The following CDH13 variants were observed in gnomAD, a reference collection of about 807,000 sequenced individuals.
CDH13 encodes the protein cadherin 13.
CDH13 carries 24 observed loss-of-function variants against 63.8 expected under a neutral mutation model. The ratio of observed to expected loss-of-function variants is 0.38; its 90% CI spans 0.27 to 0.53. The LOEUF is 0.53. Ranked by LOEUF, CDH13 falls within the 20% of genes least tolerant of loss-of-function variation. The pLI, the probability that CDH13 is intolerant of heterozygous loss-of-function variation, is 0.85. For synonymous variants in CDH13, 503 were observed against 355.3 expected, an observed-to-expected ratio of 1.42 and a Z score of -4.67; for missense variants, 1,049 against 903.1, an observed-to-expected ratio of 1.16 and a Z score of -2.07.
intron 2 of CDH13, among the ~76,000 whole-genome samples, chr16:82,985,392 T>C (rs187816086): frequency 2.0e-5 from 3 of 152,218 alleles, no homozygotes. Context: ...GTAGTTACTT[T>C]TGGAGGAAAA....
intron 2 of CDH13, among the ~76,000 whole-genome samples, chr16:82,960,858 T>C (rs1444467734): frequency 6.6e-6 from 1 of 152,234 alleles, no homozygotes; most frequent in Non-Finnish European, 1.5e-5. Context: ...TCTATTGTGA[T>C]TTTTAATTCT....
At chr16:83,005,420 C>G (rs2054299192) in intron 2 of CDH13, among the ~76,000 whole-genome samples, 2 of 152,182 alleles carry the variant, frequency 1.3e-5, no homozygotes, top group African/African-American at 2.4e-5. Flanking sequence ...CCAAGGTAGG[C>G]TTAGCTGCAG....
intron 5 of CDH13, among the ~76,000 whole-genome samples, chr16:83,306,519 C>G (rs979028701): frequency 6.6e-6 from 1 of 152,218 alleles, no homozygotes; most frequent in African/African-American, 2.4e-5. Context: ...TCCCCTTTGA[C>G]TTTCTCTACC....
intron 2 of CDH13, among the ~76,000 whole-genome samples, chr16:83,014,592 G>C (rs540838255): frequency 1.3e-5 from 2 of 150,672 alleles, no homozygotes; most frequent in South Asian, 4.2e-4. Flanking sequence ...AATTAGCCGA[G>C]TGGTGGCCCA....
intron 7 of CDH13, among the ~76,000 whole-genome samples, chr16:83,573,441 C>T (rs1255688685): frequency 6.6e-6 from 1 of 152,156 alleles, no homozygotes; most frequent in African/African-American, 2.4e-5. Context: ...GGTAAGGAAA[C>T]TACTAGAGGA....
At chr16:83,098,873 G>A (rs532571929) in intron 3 of CDH13, among the ~76,000 whole-genome samples, 18 of 152,248 alleles carry the variant, frequency 1.2e-4, no homozygotes, top group South Asian at 2.1e-4. Flanking sequence ...CAGATAAGAC[G>A]TCAATGCTGG....
At chr16:83,193,905 A>T (rs1486809840) in intron 4 of CDH13, among the ~76,000 whole-genome samples, 1 of 152,224 alleles carries the variant, frequency 6.6e-6, no homozygotes, top group Non-Finnish European at 1.5e-5. Context: ...AGAAGTCCCT[A>T]GTAAGTTGCC....
intron 6 of CDH13, among the ~76,000 whole-genome samples, chr16:83,367,496 T>C (rs2091281021): frequency 6.6e-6 from 1 of 152,250 alleles, no homozygotes; most frequent in Non-Finnish European, 1.5e-5. Context: ...TTCATCTTTT[T>C]CTTAAGTATA....
intron 11 of CDH13, among the ~76,000 whole-genome samples, chr16:83,776,637 G>GT (rs1273367814): frequency 1.3e-5 from 2 of 152,160 alleles, no homozygotes; most frequent in African/African-American, 4.8e-5. Context: ...CTTTAAGCTG[G>GT]TTTTTTCCCC....
intron 3 of CDH13, among the ~76,000 whole-genome samples, chr16:83,116,767 G>A (rs1182175287): frequency 1.3e-5 from 2 of 152,200 alleles, no homozygotes; most frequent in East Asian, 1.9e-4. Context: ...GAATTTCATG[G>A]TACGTAAATT....
intron 4 of CDH13, among the ~76,000 whole-genome samples, chr16:83,199,952 A>G (rs1229087394): frequency 2.6e-5 from 4 of 152,200 alleles, no homozygotes; most frequent in Admixed American, 1.3e-4. Context: ...AATGGTGGCT[A>G]TTGCTCGGGA....
chr16:83,623,415 C>G (rs1398519426), intron 8 of CDH13, among the ~76,000 whole-genome samples: 1 of 152,198 alleles, frequency 6.6e-6, no homozygotes, highest in East Asian at 1.9e-4. Flanking sequence ...CAATCGGTTT[C>G]TGCGTCTTCT....
chr16:83,010,468 ATGT>A (rs1176249071), intron 2 of CDH13, among the ~76,000 whole-genome samples: 3 of 152,142 alleles, frequency 2.0e-5, no homozygotes, highest in Non-Finnish European at 4.4e-5. Flanking sequence ...ACCATAGGTA[ATGT>A]TGTGCTCTCA....
chr16:83,632,879 T>A (rs1424206409), intron 8 of CDH13, among the ~76,000 whole-genome samples: 1 of 151,398 alleles, frequency 6.6e-6, no homozygotes, highest in African/African-American at 2.4e-5. Context: ...TATTCTTGGG[T>A]TTTCCGGGAA....
At chr16:83,666,350 A>G (rs1913948685) in intron 8 of CDH13, among the ~76,000 whole-genome samples, 1 of 152,262 alleles carries the variant, frequency 6.6e-6, no homozygotes, top group Non-Finnish European at 1.5e-5. Context: ...ATGAATGCTC[A>G]AAGAAACTGC....
At chr16:82,670,792 GCATA>G in intron 1 of CDH13, among the ~76,000 whole-genome samples, 1 of 152,286 alleles carries the variant, frequency 6.6e-6, no homozygotes, top group East Asian at 1.9e-4. Flanking sequence ...TTGGAATTGA[GCATA>G]ATGTTGCATA....
At chr16:83,027,719 C>G (rs1042704820) in intron 2 of CDH13, among the ~76,000 whole-genome samples, 3 of 152,180 alleles carry the variant, frequency 2.0e-5, no homozygotes, top group Middle Eastern at 3.2e-3. Flanking sequence ...CAGTACCCCA[C>G]ATTGCCTGGG....
At chr16:83,139,125 T>A (rs1188945817) in intron 4 of CDH13, among the ~76,000 whole-genome samples, 1 of 152,088 alleles carries the variant, frequency 6.6e-6, no homozygotes, top group Non-Finnish European at 1.5e-5. Flanking sequence ...AGAGAACTCT[T>A]CCCAGAGGTG....
chr16:83,148,177 A>G (rs2036831003), intron 4 of CDH13, among the ~76,000 whole-genome samples: 1 of 152,082 alleles, frequency 6.6e-6, no homozygotes, highest in African/African-American at 2.4e-5. Context: ...ACCTCAAGTG[A>G]TCCACCCGCC....
Sources: gnomAD v4.1 joint callset for allele counts (sites outside exome capture counted in the v4.1 genomes callset) on GRCh38, gnomAD v4.1.1 for gene constraint, MANE v1.5 for transcripts, NCBI Gene and HGNC (gene_info 2026-07-23, HGNC 2026-07-21) for gene names.